DPY19L4: variants seen among roughly 807,000 people sequenced by gnomAD.
DPY19L4 encodes dpy-19 like 4.
DPY19L4 carries 97 observed loss-of-function variants against 102.8 expected under a neutral mutation model. The observed-to-expected ratio is 0.94, with a 90% CI of 0.80 to 1.12. DPY19L4 has a LOEUF of 1.12. Among genes scored for constraint, DPY19L4 ranks in the 50% most tolerant of loss-of-function variants. The pLI is 0.00. For missense variants in DPY19L4, 815 were observed against 850.4 expected (o/e 0.96, Z 0.52); for synonymous variants, 252 against 283.1 (o/e 0.89, Z 1.10).
At chr8:94,760,859 T>C (rs952611192) in intron 7 of DPY19L4, among the ~76,000 whole-genome samples, 1 of 152,194 alleles carries the variant, frequency 6.6e-6, no homozygotes, top group African/African-American at 2.4e-5. Context: ...AAGGACAGAA[T>C]TGACTTAGCC....
At chr8:94,786,852 A>G (rs1813677214) in intron 17 of DPY19L4, among the ~76,000 whole-genome samples, 1 of 152,160 alleles carries the variant, frequency 6.6e-6, no homozygotes, top group Non-Finnish European at 1.5e-5. Context: ...CTGGCCAACC[A>G]TATCATTTAA....
chr8:94,783,937 T>G, intron 17 of DPY19L4, 135 bp downstream of exon 17: 1 of 1,012,714 alleles, frequency 9.9e-7, no homozygotes, highest in Non-Finnish European at 1.4e-6. Flanking sequence ...ACTTCCATTT[T>G]AAAAAACCTT....
At chr8:94,771,471 A>T (rs1812933168) in intron 13 of DPY19L4, among the ~76,000 whole-genome samples, 1 of 152,234 alleles carries the variant, frequency 6.6e-6, no homozygotes, top group African/African-American at 2.4e-5. Context: ...AACCTTATTT[A>T]ACTTATGGCC....
rs1813938381 is a variant in DPY19L4, at chr8:94,793,623, A to G, written c.*3713A>G. 2 of 152,176 alleles carry G rather than the reference A, an allele frequency of 1.3e-5. No homozygotes were observed. The highest frequency in any genetic ancestry group is 4.8e-5 in the African/African-American group (2 of 41,456). The allele number at this position is 152,176 out of a possible 1,614,324, so 9.4% of individuals were successfully genotyped here. On this transcript the variant is annotated 3_prime_UTR_variant, in exon 19 of 19. Coordinates refer to ENST00000414645, the MANE Select transcript of DPY19L4 (RefSeq NM_181787.3). Reference sequence around the variant, plus strand: ...CTAATAGTTTTAGATCCCAATGTGTATTAGAATTATAGCTACAAAAAGTTG... The same window carrying G: ...CTAATAGTTTTAGATCCCAATGTGTGTTAGAATTATAGCTACAAAAAGTTG...
intron 2 of DPY19L4, among the ~76,000 whole-genome samples, chr8:94,727,469 A>G (rs1810741091): frequency 1.3e-5 from 2 of 152,140 alleles, no homozygotes; most frequent in African/African-American, 4.8e-5. Flanking sequence ...CCTGACCTCA[A>G]GTGTTCCACC....
In DPY19L4 at chr8:94,731,288, T is replaced by C. The variant is rs1810942646; in HGVS notation, c.128-3342T>C. 1.3e-5 allele frequency among the ~76,000 whole-genome samples: 2 copies of C among 152,214 alleles called. 1 individual carries two copies. The highest frequency in any genetic ancestry group is 4.1e-4 in the South Asian group (2 of 4,832). On this transcript the variant is annotated intron_variant, in intron 2 of 18. Transcript: ENST00000414645. Reference sequence around the variant, plus strand: ...TTTATAGTTCATATTGTCTCAACATTGCTTTAATGATTTCATATATTTTTT... The same window carrying C: ...TTTATAGTTCATATTGTCTCAACATCGCTTTAATGATTTCATATATTTTTT...
intron 14 of DPY19L4, 38 bp downstream of exon 14, chr8:94,777,824 A>G (rs1813256948): frequency 1.3e-6 from 2 of 1,573,552 alleles, no homozygotes; most frequent in Non-Finnish European, 1.7e-6. Context: ...TTCTAATTAT[A>G]TAAAATCAAA....
Position 94,739,866 on chromosome 8 carries a change from T to C in DPY19L4, c.611+76T>C, listed in dbSNP as rs1811367042. ...GTCAGAGTTCTGAAAATGCCTCCCC[T>C]CCCCAACAGTCCTCACTCTAATCCT... On this transcript the variant is annotated intron_variant, in intron 6 of 18. Coordinates refer to ENST00000414645, the MANE Select transcript of DPY19L4 (RefSeq NM_181787.3). The C allele has an allele frequency of 5.3e-6, 8 of 1,523,648 alleles. No homozygotes were observed. In the African/African-American group the frequency reaches 9.6e-5, roughly 18 times the overall value. The allele number at this position is 1,523,648 out of a possible 1,614,324, so 94.4% of individuals were successfully genotyped here. A position where few individuals can be genotyped will look rare whatever the true frequency, so the allele number is the denominator to read the frequency against.
At chr8:94,753,060 T>C (rs1812018600) in intron 6 of DPY19L4, among the ~76,000 whole-genome samples, 1 of 152,088 alleles carries the variant, frequency 6.6e-6, no homozygotes, top group Admixed American at 6.5e-5. Flanking sequence ...CTTGATTCCT[T>C]GTGTTTCTTT....
chr8:94,784,055 A>T (rs941318054), intron 17 of DPY19L4, among the ~76,000 whole-genome samples: 3 of 152,248 alleles, frequency 2.0e-5, no homozygotes, highest in Non-Finnish European at 2.9e-5. Flanking sequence ...TTAATTTTCC[A>T]CAAAGTATCA....
At chr8:94,738,864 T>G (rs1383984950) in intron 4 of DPY19L4, among the ~76,000 whole-genome samples, 2 of 152,146 alleles carry the variant, frequency 1.3e-5, no homozygotes, top group Non-Finnish European at 2.9e-5. Context: ...TTTAGAACCT[T>G]TCCTCCTCCT....
chr8:94,748,400 G>C (rs1294862069), intron 6 of DPY19L4, among the ~76,000 whole-genome samples: 4 of 151,952 alleles, frequency 2.6e-5, no homozygotes, highest in African/African-American at 9.7e-5. Flanking sequence ...TGGTTGCTGG[G>C]GTCCTTCTGC....
chr8:94,726,835 A>G (rs557505699), intron 2 of DPY19L4, among the ~76,000 whole-genome samples: 1 of 152,338 alleles, frequency 6.6e-6, no homozygotes, highest in Non-Finnish European at 1.5e-5. Context: ...ATGGGATGTG[A>G]AGTATACTTT....
intron 13 of DPY19L4, among the ~76,000 whole-genome samples, chr8:94,774,866 C>T (rs559376378): frequency 4.0e-5 from 6 of 151,666 alleles, no homozygotes; most frequent in Admixed American, 2.0e-4. Context: ...CATGAGCCAC[C>T]GCGCCCAGCC....
chr8:94,737,541 T>C (rs1189910773), intron 3 of DPY19L4, among the ~76,000 whole-genome samples: 1 of 151,812 alleles, frequency 6.6e-6, no homozygotes, highest in Non-Finnish European at 1.5e-5. Flanking sequence ...CCCAACACTT[T>C]AGGAGGCCGA....
chr8:94,760,467 T>C (rs560801562), intron 7 of DPY19L4, among the ~76,000 whole-genome samples: 1 of 152,330 alleles, frequency 6.6e-6, no homozygotes, highest in Admixed American at 6.5e-5. Context: ...GTTGGTGTTA[T>C]TTGCCCAACA....
intron 2 of DPY19L4, among the ~76,000 whole-genome samples, chr8:94,729,359 G>T (rs540478933): frequency 7.1e-6 from 1 of 141,182 alleles, no homozygotes; most frequent in East Asian, 2.2e-4. Flanking sequence ...GTGACAGAGT[G>T]AGACTCCGTC....
At chr8:94,784,619 A>G (rs1470506493) in intron 17 of DPY19L4, among the ~76,000 whole-genome samples, 1 of 152,130 alleles carries the variant, frequency 6.6e-6, no homozygotes, top group Non-Finnish European at 1.5e-5. Flanking sequence ...TAATAGAGAC[A>G]GGGTTTCACC....
At chr8:94,742,519 A>G (rs1275752277) in intron 6 of DPY19L4, among the ~76,000 whole-genome samples, 1 of 150,516 alleles carries the variant, frequency 6.6e-6, no homozygotes, top group African/African-American at 2.4e-5. Flanking sequence ...CAGCCTCCCC[A>G]GTAGCTGGGA....
Sources: gnomAD v4.1 joint callset for allele counts (sites outside exome capture counted in the v4.1 genomes callset) on GRCh38, gnomAD v4.1.1 for gene constraint, MANE v1.5 for transcripts, NCBI Gene and HGNC (gene_info 2026-07-23, HGNC 2026-07-21) for gene names.